Variants in FOXP1 observed in about 807,000 individuals in gnomAD.
The protein encoded by FOXP1 is forkhead box protein P1.
In FOXP1, 15 loss-of-function variants were observed where a neutral mutation model predicts 98.2. The ratio of observed to expected loss-of-function variants is 0.15; its 90% CI spans 0.10 to 0.24. The LOEUF is 0.24. Ranked by LOEUF, FOXP1 falls within the 10% of genes least tolerant of loss-of-function variation. The probability of loss-of-function intolerance (pLI) is 1.00; values close to 1 mark genes in which losing one functional copy is unlikely to be tolerated. For missense variants in FOXP1, 633 were observed against 848.5 expected (o/e 0.75, Z 3.15); for synonymous variants, 371 against 314.5 (o/e 1.18, Z -1.90).
chr3:71,256,451 T>C (rs1006867531), intron 5 of FOXP1, among the ~76,000 whole-genome samples: 2 of 152,328 alleles, frequency 1.3e-5, no homozygotes, highest in Non-Finnish European at 1.5e-5. Context: ...TGGTGCCATC[T>C]TGGCTTACTG....
At chr3:71,130,530 G>C (rs746927141) in intron 6 of FOXP1, 6 of 1,598,300 alleles carry the variant, frequency 3.8e-6, no homozygotes, top group Non-Finnish European at 5.1e-6. Context: ...AAGGGAGCCC[G>C]TACTGTCTGC....
chr3:71,003,699 A>C (rs2042402478), intron 12 of FOXP1, among the ~76,000 whole-genome samples: 1 of 152,194 alleles, frequency 6.6e-6, no homozygotes, highest in African/African-American at 2.4e-5. Context: ...GACTGAAGGA[A>C]ATATGATTGG....
intron 14 of FOXP1, among the ~76,000 whole-genome samples, chr3:70,986,722 C>CACCTAGTCCT: frequency 6.7e-6 from 1 of 150,056 alleles, no homozygotes; most frequent in East Asian, 2.1e-4. Flanking sequence ...TGGTAGCCTA[C>CACCTAGTCCT]ACATCTAGTC....
At chr3:71,354,739 T>C (rs1324482490) in intron 4 of FOXP1, among the ~76,000 whole-genome samples, 1 of 152,238 alleles carries the variant, frequency 6.6e-6, no homozygotes, top group Non-Finnish European at 1.5e-5. Flanking sequence ...CCTTTGCTGA[T>C]ACCCTTAAAT....
intron 4 of FOXP1, among the ~76,000 whole-genome samples, chr3:71,339,648 A>G (rs530208857): frequency 6.6e-6 from 1 of 152,334 alleles, no homozygotes; most frequent in South Asian, 2.1e-4. Flanking sequence ...ACTGGGCTCA[A>G]ATTAGCAAGA....
chr3:71,037,302 T>C (rs1035190380), intron 11 of FOXP1, among the ~76,000 whole-genome samples: 3 of 152,210 alleles, frequency 2.0e-5, no homozygotes, highest in Admixed American at 1.3e-4. Flanking sequence ...AGTATTTACA[T>C]AGCTGCTTTG....
chr3:71,363,027 T>C (rs1384123701), intron 3 of FOXP1, among the ~76,000 whole-genome samples: 1 of 152,212 alleles, frequency 6.6e-6, no homozygotes, highest in East Asian at 1.9e-4. Flanking sequence ...CTTTGTACTT[T>C]AAATTAAATT....
intron 5 of FOXP1, among the ~76,000 whole-genome samples, chr3:71,213,845 C>T (rs1243805975): frequency 2.0e-5 from 3 of 152,052 alleles, no homozygotes; most frequent in Non-Finnish European, 4.4e-5. Context: ...TAAAATGCAA[C>T]ATACATATGT....
At chr3:71,581,841 G>A (rs1318715603) in intron 1 of FOXP1, 144 bp from the exon 2 acceptor site, 14 of 986,150 alleles carry the variant, frequency 1.4e-5, no homozygotes, top group Non-Finnish European at 1.7e-5. Context: ...GAGTGCGCGT[G>A]GAGGGAAGAG....
intron 3 of FOXP1, among the ~76,000 whole-genome samples, chr3:71,373,147 A>G (rs2079464680): frequency 6.6e-6 from 1 of 152,208 alleles, no homozygotes; most frequent in South Asian, 2.1e-4. Context: ...CAGGTGTTTG[A>G]CTAAAAAGGG....
At position 71,476,314 on chromosome 3, in the gene FOXP1, G is replaced by GT. The variant is rs1387804785; in HGVS notation, c.-168+17111dup. On this transcript the variant is annotated intron_variant, in intron 3 of 20. Transcript: ENST00000649528. ...TCATCAAGTTCTTTTTTTTTTTTTTGTTTTGTTTTTGAGCAATGGTTAAAC... is the reference window on the plus strand; with the variant it reads ...TCATCAAGTTCTTTTTTTTTTTTTTGTTTTTGTTTTTGAGCAATGGTTAAAC... 5.3e-3 allele frequency among the ~76,000 whole-genome samples: 680 copies of GT among 128,474 alleles called. 6 individuals carry two copies. Among genetic ancestry groups the GT allele is most frequent in the African/African-American group, 0.019 (654 of 35,062 alleles). 84.3% of individuals were successfully genotyped at this position (128,474 alleles called of 152,430 possible).
At chr3:71,348,823 C>CT (rs1185620359) in intron 4 of FOXP1, among the ~76,000 whole-genome samples, 5 of 151,984 alleles carry the variant, frequency 3.3e-5, no homozygotes, top group Admixed American at 6.6e-5. Context: ...GTTATGTGTG[C>CT]TAAGAAAGTA....
intron 5 of FOXP1, among the ~76,000 whole-genome samples, chr3:71,270,149 C>A (rs898802098): frequency 6.6e-6 from 1 of 152,100 alleles, no homozygotes; most frequent in Non-Finnish European, 1.5e-5. Context: ...GCAGCCTCCC[C>A]GAGTGGCACT....
intron 6 of FOXP1, among the ~76,000 whole-genome samples, chr3:71,128,512 T>C (rs1017479883): frequency 6.6e-6 from 1 of 152,102 alleles, no homozygotes; most frequent in Non-Finnish European, 1.5e-5. Flanking sequence ...CTAACATCTT[T>C]AAAGAGAGGG....
At chr3:71,475,829 A>G (rs6796804) in intron 3 of FOXP1, among the ~76,000 whole-genome samples, 106,899 of 151,274 alleles carry the variant, frequency 0.71, 39,651 homozygotes, top group Non-Finnish European at 0.8. Flanking sequence ...GAGAAAGAAC[A>G]AGACTCCACC....
intron 2 of FOXP1, among the ~76,000 whole-genome samples, chr3:71,551,027 CAAT>C (rs1344212776): frequency 6.6e-6 from 1 of 152,102 alleles, no homozygotes; most frequent in African/African-American, 2.4e-5. Flanking sequence ...ATGCTCACTT[CAAT>C]AATATTACCA....
chr3:71,001,681 C>T (rs541138854), intron 12 of FOXP1, among the ~76,000 whole-genome samples: 15 of 152,166 alleles, frequency 9.9e-5, no homozygotes, highest in Non-Finnish European at 1.9e-4. Context: ...ATCCAGTTTA[C>T]GGATGATTCA....
chr3:70,992,915 C>T lies in FOXP1; in HGVS notation c.1063-4838G>A, dbSNP rs138300323. On this transcript the variant is annotated intron_variant, in intron 13 of 20. Transcript: ENST00000649528. ...TGGAACTACCGTGCTGTTAGGACCT[C>T]TCTTTCCCCGACGTGCTCAGGGCTT... Among the ~76,000 whole-genome samples, 793 of 152,296 alleles carry T rather than the reference C, an allele frequency of 5.2e-3. 2 individuals are homozygous for T. Among genetic ancestry groups the T allele is most frequent in the Admixed American group, 0.01 (156 of 15,296 alleles).
chr3:71,583,618 T>C lies in FOXP1; in HGVS notation c.-494A>G, dbSNP rs958962273. The C allele has an allele frequency of 4.1e-6, 4 of 982,476 alleles. No individual in the cohort carries two copies. In the African/African-American group the frequency reaches 7.1e-5, roughly 17 times the overall value. The allele number at this position is 982,476 out of a possible 1,614,324, so 60.9% of individuals were successfully genotyped here. A position where few individuals can be genotyped will look rare whatever the true frequency, so the allele number is the denominator to read the frequency against. On this transcript the variant is annotated 5_prime_UTR_variant, in exon 1 of 21. Transcript: ENST00000649528. ...GCAAACTAAGGTGTTTTCGGGCCTT[T>C]CCCCGCGCGCGCCCACTCCCGCCCG...
Sources: allele counts gnomAD v4.1 joint callset (sites outside exome capture counted in the v4.1 genomes callset), GRCh38; gene constraint gnomAD v4.1.1; transcripts MANE v1.5; gene names NCBI Gene and HGNC (gene_info 2026-07-23, HGNC 2026-07-21).